AUH: variants seen among roughly 807,000 people sequenced by gnomAD.
AUH encodes the protein methylglutaconyl-CoA hydratase, mitochondrial.
In AUH, 29 loss-of-function variants were observed where a neutral mutation model predicts 42.3. The observed-to-expected ratio is 0.69, with a 90% CI of 0.51 to 0.93. The LOEUF (loss-of-function observed/expected upper bound fraction) is 0.93. Ranked by LOEUF, AUH falls within the 40% of genes least tolerant of loss-of-function variation. The pLI, the probability that AUH is intolerant of heterozygous loss-of-function variation, is 0.00. For missense variants in AUH, 452 were observed against 438.1 expected (o/e 1.03, Z -0.28); for synonymous variants, 174 against 166.4 (o/e 1.05, Z -0.35).
intron 6 of AUH, among the ~76,000 whole-genome samples, chr9:91,273,612 T>TA (rs1825325598): frequency 6.6e-6 from 1 of 152,208 alleles, no homozygotes; most frequent in Admixed American, 6.5e-5. Context: ...TCGCTCAAAA[T>TA]AAAGGTACCA....
intron 3 of AUH, among the ~76,000 whole-genome samples, chr9:91,330,075 G>A (rs1170856137): frequency 6.6e-6 from 1 of 152,056 alleles, no homozygotes; most frequent in East Asian, 1.9e-4. Context: ...TGTATATGAA[G>A]AATAGCCTAA....
At chr9:91,292,905 G>GT (rs1328298107) in intron 6 of AUH, among the ~76,000 whole-genome samples, 2 of 152,006 alleles carry the variant, frequency 1.3e-5, no homozygotes, top group Non-Finnish European at 2.9e-5. Context: ...TTTTCCAACA[G>GT]TATGTGCTTA....
At chr9:91,323,570 C>G (rs1250301311) in intron 4 of AUH, among the ~76,000 whole-genome samples, 1 of 151,250 alleles carries the variant, frequency 6.6e-6, no homozygotes, top group African/African-American at 2.4e-5. Context: ...TTGCAGTGAG[C>G]TGAGATCGTG....
At chr9:91,355,846 C>A (rs1832368990) in intron 3 of AUH, 37 bp downstream of exon 3, 1 of 1,562,470 alleles carries the variant, frequency 6.4e-7, no homozygotes, top group Non-Finnish European at 8.8e-7. Context: ...AAAAATCAGA[C>A]TACAGTTTAA....
chr9:91,332,216 A>G (rs1564109564), intron 3 of AUH, among the ~76,000 whole-genome samples: 1 of 152,202 alleles, frequency 6.6e-6, no homozygotes, highest in Non-Finnish European at 1.5e-5. Context: ...CCGCATTTAA[A>G]ACAAGCTGGG....
intron 6 of AUH, among the ~76,000 whole-genome samples, chr9:91,236,992 A>G (rs1828223879): frequency 6.6e-6 from 1 of 152,222 alleles, no homozygotes; most frequent in African/African-American, 2.4e-5. Context: ...CATAATATTT[A>G]GCATTTTAAA....
At chr9:91,256,069 T>G (rs906792175) in intron 6 of AUH, among the ~76,000 whole-genome samples, 2 of 152,158 alleles carry the variant, frequency 1.3e-5, no homozygotes, top group Admixed American at 6.5e-5. Flanking sequence ...ACAACAAAGA[T>G]TGATCATTTG....
chr9:91,352,810 C>A (rs1037976701), intron 3 of AUH, among the ~76,000 whole-genome samples: 4 of 152,068 alleles, frequency 2.6e-5, no homozygotes, highest in Admixed American at 6.5e-5. Context: ...TGATTAATTC[C>A]AGCAAATAAA....
At chr9:91,347,067 C>G (rs1191039053) in intron 3 of AUH, among the ~76,000 whole-genome samples, 1 of 151,968 alleles carries the variant, frequency 6.6e-6, no homozygotes, top group African/African-American at 2.4e-5. Context: ...GACAGGGTCT[C>G]ACTTTGTCAC....
intron 4 of AUH, among the ~76,000 whole-genome samples, chr9:91,310,495 G>C (rs895960784): frequency 3.3e-5 from 5 of 152,166 alleles, no homozygotes; most frequent in African/African-American, 7.2e-5. Context: ...TCTTGCAATG[G>C]GGAGATATGG....
intron 6 of AUH, among the ~76,000 whole-genome samples, chr9:91,266,424 C>A (rs889826962): frequency 2.0e-5 from 3 of 151,942 alleles, no homozygotes; most frequent in African/African-American, 4.8e-5. Context: ...TACAATCACA[C>A]ACAAAAGTAG....
At chr9:91,322,592 AG>A (rs1226339472) in intron 4 of AUH, among the ~76,000 whole-genome samples, 1 of 152,214 alleles carries the variant, frequency 6.6e-6, no homozygotes, top group East Asian at 1.9e-4. Context: ...AGATGCAAAA[AG>A]GTGTCAAATG....
At chr9:91,314,490 GAAA>G (rs200673346) in intron 4 of AUH, among the ~76,000 whole-genome samples, 2 of 85,562 alleles carry the variant, frequency 2.3e-5, no homozygotes, top group Non-Finnish European at 5.1e-5. Context: ...CTCAAAGAAG[GAAA>G]AAAAAAAAAA....
In AUH at chr9:91,361,692, G is replaced by A. The variant is rs1268067238; in HGVS notation, c.198C>T (p.Gly66=). ...CCTCCGTCTTCATCTCAGAGCTGTA[G>A]CCCCTTTTCGGGGCGGGACCCCCGG... ...PAAGGPAPKR[G]YSSEMKTEDE... The change falls in exon 1 of 10, where the codon GGC becomes GGT. Residue 66 remains glycine, a synonymous_variant. Coordinates refer to ENST00000375731, the MANE Select transcript of AUH (RefSeq NM_001698.3). 2.6e-6 allele frequency: 4 copies of A among 1,567,462 alleles called. No homozygotes were observed. The Admixed American group carries it at 7.5e-5, about 29-fold the overall frequency.
rs188357031 is a variant in AUH, at chr9:91,231,963, C to G, written c.656-10971G>C. Among the ~76,000 whole-genome samples the G allele has an allele frequency of 7.2e-5, 11 of 152,224 alleles. No individual in the cohort carries two copies. In the East Asian group the frequency reaches 2.1e-3, roughly 29 times the overall value. On this transcript the variant is annotated intron_variant, in intron 6 of 9. Coordinates refer to ENST00000375731, the MANE Select transcript of AUH (RefSeq NM_001698.3). Reference sequence around the variant, plus strand: ...TAAAAAACAAAGATCTCACAGCGACCACAGTTAATAATAGTATGTACTTAT... The same window carrying G: ...TAAAAAACAAAGATCTCACAGCGACGACAGTTAATAATAGTATGTACTTAT...
intron 3 of AUH, among the ~76,000 whole-genome samples, chr9:91,335,159 T>G (rs893410018): frequency 1.3e-5 from 2 of 152,222 alleles, no homozygotes; most frequent in Non-Finnish European, 2.9e-5. Flanking sequence ...GCTCCATGAA[T>G]GCTTAGGTGT....
intron 6 of AUH, among the ~76,000 whole-genome samples, chr9:91,249,323 A>G (rs1362773050): frequency 7.3e-6 from 1 of 136,144 alleles, no homozygotes; most frequent in Non-Finnish European, 1.6e-5. Flanking sequence ...AAAAAAAAAA[A>G]GAACACAATA....
intron 4 of AUH, among the ~76,000 whole-genome samples, chr9:91,312,572 T>C (rs565171511): frequency 3.3e-5 from 5 of 152,196 alleles, no homozygotes; most frequent in African/African-American, 1.2e-4. Context: ...TACCAAAAAA[T>C]ACAAAATAGC....
At chr9:91,307,933 C>T (rs1278507173) in intron 4 of AUH, among the ~76,000 whole-genome samples, 6 of 152,072 alleles carry the variant, frequency 3.9e-5, no homozygotes, top group African/African-American at 1.4e-4. Flanking sequence ...ACAGGAAATA[C>T]ACAAATTCTG....
Sources: allele counts gnomAD v4.1 joint callset (sites outside exome capture counted in the v4.1 genomes callset), GRCh38; gene constraint gnomAD v4.1.1; transcripts MANE v1.5; gene names NCBI Gene and HGNC (gene_info 2026-07-23, HGNC 2026-07-21).